DNAH11: variants seen among roughly 807,000 people sequenced by gnomAD.
The protein encoded by DNAH11 is dynein axonemal heavy chain 11.
A neutral mutation model predicts 526.0 loss-of-function variants in DNAH11; 442 were observed. The observed-to-expected ratio is 0.84, with a 90% confidence interval of 0.78 to 0.91. The LOEUF is 0.91. DNAH11 is among the 40% of genes least tolerant of loss of function. DNAH11 has a pLI of 0.00. For synonymous variants in DNAH11, 2,461 were observed against 1,935.9 expected (o/e 1.27, Z -7.12); for missense variants, 6,989 against 5,448.7 (o/e 1.28, Z -8.90).
Position 21,661,210 on chromosome 7 carries a change from GTAT to G in DNAH11, c.5328+2187_5328+2189del, listed in dbSNP as rs1782230827. ...TTATCCATTAATTATGGTGGGAGTGGTATTATTATTTCAGATCTTAATTAGATT... is the reference window on the plus strand; with the variant it reads ...TTATCCATTAATTATGGTGGGAGTGGTATTATTTCAGATCTTAATTAGATT... On this transcript the variant is annotated intron_variant, in intron 30 of 81. Transcript: ENST00000409508. 3.9e-5 allele frequency among the ~76,000 whole-genome samples: 6 copies of G among 152,086 alleles called. No individual in the cohort carries two copies. In the South Asian group the frequency reaches 1.2e-3, roughly 32 times the overall value.
rs368512197 is a variant in DNAH11, at chr7:21,571,923, T to A, written c.1543T>A (p.Cys515Ser). Residue 515 changes from cysteine to serine, a missense_variant, in exon 8 of 82, where the codon TGT becomes AGT. Coordinates refer to ENST00000409508, the MANE Select transcript of DNAH11 (RefSeq NM_001277115.2). ...HEMSEELMEL[C>S]KLFKQSTYDP... is the part of the protein sequence containing the mutation. ...GATGAGTGAAGAACTTATGGAACTC[T>A]GTAAACTTTTTAAACAGAGCACTTA... 2.1e-5 allele frequency: 34 copies of A among 1,610,584 alleles called. No homozygotes were observed. Among genetic ancestry groups the A allele is most frequent in the African/African-American group, 5.3e-5 (4 of 74,810 alleles).
chr7:21,589,505 A>C, intron 12 of DNAH11, 102 bp downstream of exon 12: 1 of 1,010,886 alleles, frequency 9.9e-7, no homozygotes, highest in Non-Finnish European at 1.4e-6. Context: ...GGAAAATGTC[A>C]GAGTTGTGAG....
chr7:21,691,049 CT>C (rs1256387565), intron 35 of DNAH11, among the ~76,000 whole-genome samples, 168 bp downstream of exon 35: 1 of 152,098 alleles, frequency 6.6e-6, no homozygotes, highest in Non-Finnish European at 1.5e-5. Flanking sequence ...TAAATTAACC[CT>C]TTTGAATTAT....
chr7:21,653,093 T>C (rs1386612469), intron 28 of DNAH11, among the ~76,000 whole-genome samples: 3 of 152,076 alleles, frequency 2.0e-5, no homozygotes, highest in Non-Finnish European at 4.4e-5. Context: ...TCAGGCTGGT[T>C]TGGAACTCCT....
At position 21,895,028 on chromosome 7, in the gene DNAH11, G is replaced by T. The variant is rs1485445988; in HGVS notation, c.13049+29G>T. 3 of 1,575,490 alleles carry T rather than the reference G, an allele frequency of 1.9e-6. No individual in the cohort carries two copies. The South Asian group carries it at 3.3e-5, about 17-fold the overall frequency. ...AGCTACCCCATCCTCACTGCCACTGGCCCTGAGCAGCCTCGGTGCTGGGTT... is the reference window on the plus strand; with the variant it reads ...AGCTACCCCATCCTCACTGCCACTGTCCCTGAGCAGCCTCGGTGCTGGGTT... On this transcript the variant is annotated intron_variant, in intron 79 of 81. Transcript: ENST00000409508.
At chr7:21,808,095 G>T in intron 63 of DNAH11, 46 bp downstream of exon 63, 1 of 1,342,650 alleles carries the variant, frequency 7.4e-7, no homozygotes, top group South Asian at 2.4e-5. Context: ...AGATCACATT[G>T]AAATTTCAGT....
intron 20 of DNAH11, among the ~76,000 whole-genome samples, chr7:21,614,279 T>C (rs1290871068): frequency 3.9e-5 from 6 of 152,188 alleles, no homozygotes; most frequent in Non-Finnish European, 7.3e-5. Context: ...CAAATCCTTC[T>C]TTTGCAAAGC....
chr7:21,663,861 A>G (rs1307533754), intron 30 of DNAH11, among the ~76,000 whole-genome samples: 1 of 151,546 alleles, frequency 6.6e-6, no homozygotes, highest in Non-Finnish European at 1.5e-5. Context: ...TAGCTTAGTG[A>G]TTCTTCATAA....
At chr7:21,800,421 C>G (rs1173709094) in intron 61 of DNAH11, among the ~76,000 whole-genome samples, 2 of 152,084 alleles carry the variant, frequency 1.3e-5, no homozygotes, top group Admixed American at 6.6e-5. Flanking sequence ...CACTTGAGAC[C>G]AGGAGTTCAA....
intron 43 of DNAH11, among the ~76,000 whole-genome samples, chr7:21,718,757 GCTTT>G (rs1431045439): frequency 6.6e-6 from 1 of 152,094 alleles, no homozygotes; most frequent in African/African-American, 2.4e-5. Context: ...GAGCAAAATT[GCTTT>G]CTAAGTACTT....
At chr7:21,813,640 C>T (rs1408734208) in intron 63 of DNAH11, among the ~76,000 whole-genome samples, 3 of 152,282 alleles carry the variant, frequency 2.0e-5, no homozygotes, top group East Asian at 1.9e-4. Flanking sequence ...TGGCTCGTGG[C>T]GTGTGCTTCC....
At position 21,828,031 on chromosome 7, in the gene DNAH11, C is replaced by T. The variant is rs181527439; in HGVS notation, c.10691+9692C>T. On this transcript the variant is annotated intron_variant, in intron 65 of 81. Coordinates refer to ENST00000409508, the MANE Select transcript of DNAH11 (RefSeq NM_001277115.2). ...TGGTGTAATCGTGGCTCACTGCAACCTCCACCTCCCAAGTTCAAACAATTC... is the reference window on the plus strand; with the variant it reads ...TGGTGTAATCGTGGCTCACTGCAACTTCCACCTCCCAAGTTCAAACAATTC... 1.3e-3 allele frequency among the ~76,000 whole-genome samples: 202 copies of T among 152,094 alleles called. 1 individual carries two copies. The highest frequency in any genetic ancestry group is 4.7e-3 in the African/African-American group (195 of 41,484).
intron 57 of DNAH11, among the ~76,000 whole-genome samples, chr7:21,779,851 T>C (rs1315859431): frequency 1.3e-5 from 2 of 152,132 alleles, no homozygotes; most frequent in South Asian, 2.1e-4. Context: ...AAAATTCTTA[T>C]TTTAGACAAA....
rs765086375 is a variant in DNAH11, at chr7:21,808,090, A to C, written c.10332+41A>C. 3 of 1,351,970 alleles carry C rather than the reference A, an allele frequency of 2.2e-6. No homozygotes were observed. In the Admixed American group the frequency reaches 8.3e-5, roughly 37 times the overall value. 83.7% of individuals were successfully genotyped at this position (1,351,970 alleles called of 1,614,324 possible). A position where few individuals can be genotyped will look rare whatever the true frequency, so the allele number is the denominator to read the frequency against. ...TACCTTGTCAGCAGGTAGAAAGATC[A>C]CATTGAAATTTCAGTAGTAAAACCC... On this transcript the variant is annotated intron_variant, in intron 63 of 81. Transcript: ENST00000409508.
At chr7:21,784,326 A>G (rs1320508310) in intron 57 of DNAH11, 101 bp from the exon 58 acceptor site, 1 of 875,642 alleles carries the variant, frequency 1.1e-6, no homozygotes, top group Non-Finnish European at 1.9e-6. Context: ...GTACAGAGAA[A>G]TGAATTATTT....
chr7:21,627,572 A>G (rs1226411214), intron 25 of DNAH11, among the ~76,000 whole-genome samples: 1 of 152,194 alleles, frequency 6.6e-6, no homozygotes, highest in African/African-American at 2.4e-5. Context: ...ACCTTAGTTG[A>G]AAATTAATTG....
At chr7:21,599,064 A>T (rs1044009769) in intron 14 of DNAH11, among the ~76,000 whole-genome samples, 1 of 152,150 alleles carries the variant, frequency 6.6e-6, no homozygotes, top group African/African-American at 2.4e-5. Context: ...GTGTGTCTTT[A>T]TAATAGAATG....
intron 28 of DNAH11, among the ~76,000 whole-genome samples, chr7:21,654,747 C>G (rs1781937063): frequency 2.0e-5 from 3 of 151,972 alleles, no homozygotes; most frequent in African/African-American, 7.2e-5. Flanking sequence ...CTGGGCCGCC[C>G]CTGCCCTTTA....
chr7:21,864,852 AG>A (rs1186953206), intron 70 of DNAH11, among the ~76,000 whole-genome samples, 195 bp downstream of exon 70: 2 of 152,194 alleles, frequency 1.3e-5, no homozygotes, highest in African/African-American at 4.8e-5. Flanking sequence ...GATGTAAAGG[AG>A]CTTTTGGCTT....
Sources: allele counts gnomAD v4.1 joint callset (sites outside exome capture counted in the v4.1 genomes callset), GRCh38; gene constraint gnomAD v4.1.1; transcripts MANE v1.5; gene names NCBI Gene and HGNC (gene_info 2026-07-23, HGNC 2026-07-21).